Variants in RIT2 observed in about 807,000 individuals in gnomAD.
The protein encoded by RIT2 is GTP-binding protein Rit2.
RIT2 carries 24 observed loss-of-function variants against 23.7 expected under a neutral mutation model. That is an observed-to-expected ratio of 1.01 (90% confidence interval 0.73 to 1.43). The LOEUF is 1.43. Among genes scored for constraint, RIT2 ranks in the 40% most tolerant of loss-of-function variants. RIT2 has a pLI of 0.00. For missense variants in RIT2, 236 were observed against 266.9 expected (o/e 0.88, Z 0.81); for synonymous variants, 107 against 91.1 (o/e 1.17, Z -0.99).
At chr18:42,859,927 T>A (rs1907282760) in intron 4 of RIT2, among the ~76,000 whole-genome samples, 1 of 152,056 alleles carries the variant, frequency 6.6e-6, no homozygotes, top group East Asian at 1.9e-4. Flanking sequence ...TATGTGACTA[T>A]GAATATGTCA....
intron 1 of RIT2, among the ~76,000 whole-genome samples, chr18:43,101,073 A>G (rs1913673254): frequency 6.6e-6 from 1 of 151,966 alleles, no homozygotes; most frequent in Admixed American, 6.6e-5. Context: ...ATATATCTAT[A>G]TATAAATTCT....
intron 2 of RIT2, among the ~76,000 whole-genome samples, chr18:43,033,145 TTAAAG>T (rs1366890261): frequency 2.0e-5 from 3 of 152,146 alleles, no homozygotes; most frequent in Admixed American, 1.3e-4. Context: ...AGCCAATTCT[TTAAAG>T]TAGTTTTTTG....
chr18:43,079,922 G>C (rs1913115051), intron 1 of RIT2, among the ~76,000 whole-genome samples: 1 of 152,102 alleles, frequency 6.6e-6, no homozygotes, highest in South Asian at 2.1e-4. Context: ...TCACCTACCT[G>C]GGTTCTGCCA....
At chr18:43,015,117 T>C (rs1911442231) in intron 2 of RIT2, among the ~76,000 whole-genome samples, 1 of 151,750 alleles carries the variant, frequency 6.6e-6, no homozygotes. Flanking sequence ...TATGAAATGT[T>C]GACACAGCAC....
At chr18:42,896,117 A>C (rs1240083269) in intron 4 of RIT2, among the ~76,000 whole-genome samples, 2 of 152,288 alleles carry the variant, frequency 1.3e-5, no homozygotes, top group East Asian at 1.9e-4. Flanking sequence ...TACAAAAATT[A>C]GCTAGGCGTG....
At chr18:42,920,478 T>C (rs1909026897) in intron 4 of RIT2, among the ~76,000 whole-genome samples, 1 of 152,196 alleles carries the variant, frequency 6.6e-6, no homozygotes, top group South Asian at 2.1e-4. Flanking sequence ...TTGAAAACAC[T>C]AAATGTATCA....
chr18:42,962,254 C>G (rs1270102694), intron 3 of RIT2, among the ~76,000 whole-genome samples: 2 of 152,084 alleles, frequency 1.3e-5, no homozygotes, highest in African/African-American at 4.8e-5. Flanking sequence ...TTGCATTTTA[C>G]TATTAATGGA....
At chr18:42,829,799 A>G (rs1403892949) in intron 4 of RIT2, among the ~76,000 whole-genome samples, 1 of 152,192 alleles carries the variant, frequency 6.6e-6, no homozygotes, top group Non-Finnish European at 1.5e-5. Flanking sequence ...TAGAAATAGC[A>G]AAAGCAAACA....
In RIT2 at chr18:43,048,637, C is replaced by T. The variant is rs145841010; in HGVS notation, c.104-14770G>A. ...CAGACAATCGTAAGTTCTTGATAAA[C>T]ATTTACTGAGTTTACTTTTAAACCA... On this transcript the variant is annotated intron_variant, in intron 1 of 4. Transcript: ENST00000326695. Among the ~76,000 whole-genome samples, 282 of 152,186 alleles carry T rather than the reference C, an allele frequency of 1.9e-3. 1 individual carries two copies. Among genetic ancestry groups the T allele is most frequent in the Middle Eastern group, 0.014 (4 of 294 alleles).
At chr18:42,946,638 C>A (rs1229979317) in intron 3 of RIT2, among the ~76,000 whole-genome samples, 1 of 151,922 alleles carries the variant, frequency 6.6e-6, no homozygotes, top group Non-Finnish European at 1.5e-5. Context: ...CTGAATCTTG[C>A]CAACTTTGTT....
chr18:43,067,049 A>G (rs1912786866), intron 1 of RIT2, among the ~76,000 whole-genome samples: 1 of 151,960 alleles, frequency 6.6e-6, no homozygotes, highest in Admixed American at 6.6e-5. Flanking sequence ...AACTATATGG[A>G]GAAGAATAGC....
chr18:43,033,372 C>G (rs1416219276), intron 2 of RIT2, among the ~76,000 whole-genome samples: 1 of 152,062 alleles, frequency 6.6e-6, no homozygotes, highest in Non-Finnish European at 1.5e-5. Flanking sequence ...AATATTATGT[C>G]TATATCTAAC....
At chr18:42,881,481 T>C (rs1008086079) in intron 4 of RIT2, among the ~76,000 whole-genome samples, 2 of 152,210 alleles carry the variant, frequency 1.3e-5, no homozygotes, top group African/African-American at 2.4e-5. Context: ...TCAATTCCTA[T>C]GGAAAAGTCC....
chr18:43,054,535 G>C (rs191519114), intron 1 of RIT2, among the ~76,000 whole-genome samples: 210 of 152,138 alleles, frequency 1.4e-3, no homozygotes, highest in Non-Finnish European at 2.6e-3. Flanking sequence ...GACTATGGAG[G>C]AGACAAATGA....
At chr18:42,801,716 G>T (rs1905544299) in intron 4 of RIT2, among the ~76,000 whole-genome samples, 1 of 152,130 alleles carries the variant, frequency 6.6e-6, no homozygotes, top group Non-Finnish European at 1.5e-5. Flanking sequence ...TTGGTTACTA[G>T]TACCAATTAC....
chr18:43,087,178 G>T (rs547139867), intron 1 of RIT2, among the ~76,000 whole-genome samples: 1 of 152,102 alleles, frequency 6.6e-6, no homozygotes, highest in Admixed American at 6.5e-5. Flanking sequence ...GGAGGTGGAG[G>T]TTGCAGTGAG....
At chr18:43,070,506 C>T (rs905464171) in intron 1 of RIT2, among the ~76,000 whole-genome samples, 2 of 152,196 alleles carry the variant, frequency 1.3e-5, no homozygotes, top group East Asian at 3.8e-4. Context: ...TAGAAACAAA[C>T]AGCAAAGTGC....
chr18:43,051,661 C>T (rs1245303887), intron 1 of RIT2, among the ~76,000 whole-genome samples: 1 of 152,032 alleles, frequency 6.6e-6, no homozygotes, highest in East Asian at 1.9e-4. Context: ...TGTTAACTGC[C>T]TACTGGCCAT....
At chr18:42,787,400 A>G (rs988704292) in intron 4 of RIT2, among the ~76,000 whole-genome samples, 1 of 151,394 alleles carries the variant, frequency 6.6e-6, no homozygotes, top group African/African-American at 2.4e-5. Flanking sequence ...CGTTGTGCAC[A>G]TGTACCCTAG....
Sources: gnomAD v4.1 joint callset for allele counts (sites outside exome capture counted in the v4.1 genomes callset) on GRCh38, gnomAD v4.1.1 for gene constraint, MANE v1.5 for transcripts, NCBI Gene and HGNC (gene_info 2026-07-23, HGNC 2026-07-21) for gene names.